The following FZD7 variants were observed in gnomAD, a reference collection of about 807,000 sequenced individuals.
FZD7 encodes frizzled-7.
Under a neutral mutation model 39.0 loss-of-function variants are expected in FZD7, and 21 were observed. The ratio of observed to expected loss-of-function variants is 0.54; its 90% CI spans 0.38 to 0.78. The LOEUF is 0.78. FZD7 is among the 30% of genes least tolerant of loss of function. The pLI is 0.00. For missense variants in FZD7, 695 were observed against 805.0 expected (o/e 0.86, Z 1.65); for synonymous variants, 428 against 364.9 (o/e 1.17, Z -1.97).
At position 202,037,093 on chromosome 2, in the gene FZD7, C is replaced by A. The variant is rs1688759506; in HGVS notation, c.*721C>A. ...ACATTTTGAGATAAGGCCAAGGAGACGTGGAGTAGGTATTTTTGCTACTTT... is the reference window on the plus strand; with the variant it reads ...ACATTTTGAGATAAGGCCAAGGAGAAGTGGAGTAGGTATTTTTGCTACTTT... On this transcript the variant is annotated 3_prime_UTR_variant, in exon 1 of 1. Coordinates refer to ENST00000286201, the MANE Select transcript of FZD7 (RefSeq NM_003507.2). 6.0e-6 allele frequency: 1 copy of A among 167,044 alleles called. No individual in the cohort carries two copies. Among genetic ancestry groups the A allele is most frequent in the Admixed American group, 6.5e-5 (1 of 15,286 alleles). 10.3% of individuals were successfully genotyped at this position (167,044 alleles called of 1,614,324 possible).
Position 202,036,287 on chromosome 2 carries a change from G to C in FZD7, c.1640G>C (p.Trp547Ser). The change falls in exon 1 of 1, where the codon TGG (tryptophan) becomes TCG (serine). Residue 547 changes from tryptophan to serine, a missense_variant. Coordinates refer to ENST00000286201, the MANE Select transcript of FZD7 (RefSeq NM_003507.2). ...TMIVGITTGF[W>S]IWSGKTLQSW... ...ATCGTCGGCATCACCACTGGCTTCTGGATCTGGTCGGGCAAGACCCTGCAG... is the reference window on the plus strand; with the variant it reads ...ATCGTCGGCATCACCACTGGCTTCTCGATCTGGTCGGGCAAGACCCTGCAG... The C allele has an allele frequency of 6.2e-7, 1 of 1,613,354 alleles. No individual in the cohort carries two copies. Among genetic ancestry groups the C allele is most frequent in the Non-Finnish European group, 8.5e-7 (1 of 1,179,994 alleles).
rs1247811855 is a variant in FZD7 at position 202,034,628 on chromosome 2, C to T, written c.-20C>T. ...GTCGCACTCCTCAGGCTGAGAGCAC[C>T]GCTGCACTCGCGGCCGGCGATGCGG... On this transcript the variant is annotated 5_prime_UTR_variant, in exon 1 of 1. Transcript: ENST00000286201. 7.2e-6 allele frequency: 11 copies of T among 1,534,492 alleles called. No homozygotes were observed. Among genetic ancestry groups the T allele is most frequent in the Admixed American group, 2.0e-5 (1 of 49,854 alleles).
Position 202,034,701 on chromosome 2 carries a change from G to C in FZD7, c.54G>C (p.Leu18=). Residue 18 remains leucine (L), a synonymous_variant, in exon 1 of 1, where the codon CTG becomes CTC. Transcript: ENST00000286201. ...TTTCGTCCCTGGGCCTCTGTGCCCTGGTGCTGGCGCTGCTGGGCGCACTGT... is the reference window on the plus strand; with the variant it reads ...TTTCGTCCCTGGGCCTCTGTGCCCTCGTGCTGGCGCTGCTGGGCGCACTGT... The part of the protein sequence containing the change: ...APLSSLGLCA[L]VLALLGALSA... 1 of 1,609,730 alleles carries C rather than the reference G, an allele frequency of 6.2e-7. No homozygotes were observed.
chr2:202,035,906 C>T lies in FZD7; in HGVS notation c.1259C>T (p.Ala420Val). 6.2e-7 allele frequency: 1 copy of T among 1,614,020 alleles called. No individual in the cohort carries two copies. Among genetic ancestry groups the T allele is most frequent in the Non-Finnish European group, 8.5e-7 (1 of 1,179,924 alleles). The change falls in exon 1 of 1, where the codon GCG becomes GTG. Residue 420 changes from alanine to valine, a missense_variant. Transcript: ENST00000286201. ...TACGTTGGCCTCTCCAGTGTGGACGCGCTGCGGGGCTTCGTGCTGGCGCCT... is the reference window on the plus strand; with the variant it reads ...TACGTTGGCCTCTCCAGTGTGGACGTGCTGCGGGGCTTCGTGCTGGCGCCT... ...VCYVGLSSVD[A>V]LRGFVLAPLF... is the part of the protein sequence containing the mutation.
Position 202,035,761 on chromosome 2 carries a change from G to T in FZD7, c.1114G>T (p.Glu372Ter). The T allele has an allele frequency of 6.2e-7, 1 of 1,614,056 alleles. No homozygotes were observed. Among genetic ancestry groups the T allele is most frequent in the Non-Finnish European group, 8.5e-7 (1 of 1,180,032 alleles). Residue 372 changes from glutamate to a stop codon, truncating the protein, a stop_gained, in exon 1 of 1, where the codon GAG (glutamate) becomes TAG (stop). Coordinates refer to ENST00000286201, the MANE Select transcript of FZD7 (RefSeq NM_003507.2). LOFTEE classifies it high-confidence loss of function. ...GGCGGCCGGCATGAAGTGGGGCCAC[G>T]AGGCCATCGAGGCCAACTCGCAGTA... ...FLAAGMKWGHEAIEANSQYFH... is the reference protein window; with the variant it reads ...FLAAGMKWGH
At position 202,035,907 on chromosome 2, in the gene FZD7, G is replaced by T; in HGVS notation, c.1260G>T (p.Ala420=). 2 of 1,614,008 alleles carry T rather than the reference G, an allele frequency of 1.2e-6. No individual in the cohort carries two copies. Among genetic ancestry groups the T allele is most frequent in the East Asian group, 2.2e-5 (1 of 44,872 alleles). ...ACGTTGGCCTCTCCAGTGTGGACGCGCTGCGGGGCTTCGTGCTGGCGCCTC... is the reference window on the plus strand; with the variant it reads ...ACGTTGGCCTCTCCAGTGTGGACGCTCTGCGGGGCTTCGTGCTGGCGCCTC... ...VCYVGLSSVD[A]LRGFVLAPLF... The change falls in exon 1 of 1, where the codon GCG becomes GCT. Residue 420 remains alanine, a synonymous_variant. Coordinates refer to ENST00000286201, the MANE Select transcript of FZD7 (RefSeq NM_003507.2).
Position 202,035,472 on chromosome 2 carries a change from C to T in FZD7, c.825C>T (p.Tyr275=). The T allele has an allele frequency of 6.2e-7, 1 of 1,614,164 alleles. No individual in the cohort carries two copies. The highest frequency in any genetic ancestry group is 8.5e-7 in the Non-Finnish European group (1 of 1,180,022). ...CASTLFTVLT[Y]LVDMRRFSYP... ...CGACGCTCTTTACCGTTCTCACCTA[C>T]CTGGTGGACATGCGGCGCTTCAGCT... The change falls in exon 1 of 1, where the codon TAC becomes TAT. Residue 275 remains tyrosine (Y), a synonymous_variant. Coordinates refer to ENST00000286201, the MANE Select transcript of FZD7 (RefSeq NM_003507.2).
chr2:202,036,134 G>A lies in FZD7; in HGVS notation c.1487G>A (p.Arg496His). 1 of 1,613,728 alleles carries A rather than the reference G, an allele frequency of 6.2e-7. No homozygotes were observed. The highest frequency in any genetic ancestry group is 1.1e-5 in the South Asian group (1 of 91,080). The change falls in exon 1 of 1, where the codon CGC becomes CAC. Residue 496 changes from arginine (R) to histidine (H), a missense_variant. Transcript: ENST00000286201. Reference sequence around the variant, plus strand: ...TGCTACTTCTACGAGCAGGCCTTCCGCGAGCACTGGGAGCGCACCTGGCTC... The same window carrying A: ...TGCTACTTCTACGAGCAGGCCTTCCACGAGCACTGGGAGCGCACCTGGCTC... The part of the protein sequence containing the change: ...LACYFYEQAF[R>H]EHWERTWLLQ...
In FZD7 at chr2:202,035,196, C is replaced by T; in HGVS notation, c.549C>T (p.Pro183=). 1 of 1,600,190 alleles carries T rather than the reference C, an allele frequency of 6.2e-7. No individual in the cohort carries two copies. Among genetic ancestry groups the T allele is most frequent in the Non-Finnish European group, 8.5e-7 (1 of 1,179,292 alleles). Residue 183 remains proline, a synonymous_variant, in exon 1 of 1, where the codon CCC becomes CCT. Transcript: ENST00000286201. ...GCCCCACTGCCTACCCTACCGCGCC[C>T]TACCTGCCGGACCTGCCCTTCACCG... ...GGGPTAYPTA[P]YLPDLPFTAL... is the part of the protein sequence containing the mutation.
Position 202,034,748 on chromosome 2 carries a change from C to T in FZD7, c.101C>T (p.Pro34Leu), listed in dbSNP as rs772362388. The change falls in exon 1 of 1, where the codon CCG becomes CTG. Residue 34 changes from proline to leucine, a missense_variant. Pro to Leu is a moderately conservative substitution (Grantham distance 98). Coordinates refer to ENST00000286201, the MANE Select transcript of FZD7 (RefSeq NM_003507.2). ...GALSAGAGAQ[P>L]YHGEKGISVP... ...CTGTCCGCGGGCGCCGGGGCGCAGC[C>T]GTACCACGGAGAGAAGGGCATCTCC... The T allele has an allele frequency of 5.6e-6, 9 of 1,612,254 alleles. No homozygotes were observed. The South Asian group carries it at 9.9e-5, about 18-fold the overall frequency.
rs1030110762 is a variant in FZD7 at position 202,035,784 on chromosome 2, G to A, written c.1137G>A (p.Gln379=). ...ACGAGGCCATCGAGGCCAACTCGCA[G>A]TACTTCCACCTGGCCGCGTGGGCCG... ...WGHEAIEANS[Q]YFHLAAWAVP... is the part of the protein sequence containing the mutation. The change falls in exon 1 of 1, where the codon CAG becomes CAA. Residue 379 remains glutamine, a synonymous_variant. Transcript: ENST00000286201. The A allele has an allele frequency of 1.2e-6, 2 of 1,614,052 alleles. No individual in the cohort carries two copies. The highest frequency in any genetic ancestry group is 1.7e-6 in the Non-Finnish European group (2 of 1,180,046).
rs1410790493 is a variant in FZD7, at chr2:202,036,323, G to A, written c.1676G>A (p.Arg559His). 1 of 1,612,846 alleles carries A rather than the reference G, an allele frequency of 6.2e-7. No individual in the cohort carries two copies. Among genetic ancestry groups the A allele is most frequent in the East Asian group, 2.2e-5 (1 of 44,880 alleles). The change falls in exon 1 of 1, where the codon CGC becomes CAC. Residue 559 changes from arginine to histidine, a missense_variant. Transcript: ENST00000286201. ...WSGKTLQSWR[R>H]FYHRLSHSSK... ...GGCAAGACCCTGCAGTCGTGGCGCC[G>A]CTTCTACCACAGACTTAGCCACAGC...
Position 202,035,898 on chromosome 2 carries a change from T to G in FZD7, c.1251T>G (p.Ser417Arg). 6.2e-7 allele frequency: 1 copy of G among 1,614,030 alleles called. No individual in the cohort carries two copies. ...GGGTGTGCTACGTTGGCCTCTCCAG[T>G]GTGGACGCGCTGCGGGGCTTCGTGC... ...LSGVCYVGLS[S>R]VDALRGFVLA... Residue 417 changes from serine (S) to arginine (R), a missense_variant, in exon 1 of 1, where the codon AGT (serine) becomes AGG (arginine). By Grantham distance (110) the Ser-to-Arg change is moderately radical. Transcript: ENST00000286201.
rs756389140 is a variant in FZD7, at chr2:202,035,181, C to G, written c.534C>G (p.Ala178=). The change falls in exon 1 of 1, where the codon GCC becomes GCG. Residue 178 remains alanine, a synonymous_variant. Coordinates refer to ENST00000286201, the MANE Select transcript of FZD7 (RefSeq NM_003507.2). ...GSGGPGGGPT[A]YPTAPYLPDL... ...GGGGCCCAGGCGGCGGCCCCACTGC[C>G]TACCCTACCGCGCCCTACCTGCCGG... is the stretch of plus-strand genomic sequence containing the variant. The G allele has an allele frequency of 5.0e-6, 8 of 1,600,706 alleles. No homozygotes were observed. The highest frequency in any genetic ancestry group is 6.8e-6 in the Non-Finnish European group (8 of 1,179,354).
At position 202,035,580 on chromosome 2, in the gene FZD7, C is replaced by A. The variant is rs1300462405; in HGVS notation, c.933C>A (p.Asp311Glu). The change falls in exon 1 of 1, where the codon GAC becomes GAA. Residue 311 changes from aspartate to glutamate, a missense_variant. Asp to Glu is a conservative substitution (Grantham distance 45). Transcript: ENST00000286201. Reference sequence around the variant, plus strand: ...ACGTGGCCGGCTTCCTTCTAGAGGACCGCGCCGTGTGCGTGGAGCGCTTCT... The same window carrying A: ...ACGTGGCCGGCTTCCTTCTAGAGGAACGCGCCGTGTGCGTGGAGCGCTTCT... ...VAHVAGFLLE[D>E]RAVCVERFSD... The A allele has an allele frequency of 1.2e-6, 2 of 1,614,146 alleles. No individual in the cohort carries two copies. The highest frequency in any genetic ancestry group is 3.3e-5 in the Admixed American group (2 of 60,036).
At position 202,035,538 on chromosome 2, in the gene FZD7, C is replaced by T; in HGVS notation, c.891C>T (p.Phe297=). ...RPIIFLSGCY[F]MVAVAHVAGF... Reference sequence around the variant, plus strand: ...TCATCTTCCTGTCGGGCTGCTACTTCATGGTGGCCGTGGCGCACGTGGCCG... The same window carrying T: ...TCATCTTCCTGTCGGGCTGCTACTTTATGGTGGCCGTGGCGCACGTGGCCG... Residue 297 remains phenylalanine, a synonymous_variant, in exon 1 of 1, where the codon TTC becomes TTT. Coordinates refer to ENST00000286201, the MANE Select transcript of FZD7 (RefSeq NM_003507.2). 1.9e-6 allele frequency: 3 copies of T among 1,614,184 alleles called. No homozygotes were observed. The highest frequency in any genetic ancestry group is 2.5e-6 in the Non-Finnish European group (3 of 1,180,026).
At position 202,037,414 on chromosome 2, in the gene FZD7, C is replaced by G. The variant is rs188847694; in HGVS notation, c.*1042C>G. 4 of 167,164 alleles carry G rather than the reference C, an allele frequency of 2.4e-5. No individual in the cohort carries two copies. Among genetic ancestry groups the G allele is most frequent in the African/African-American group, 9.6e-5 (4 of 41,552 alleles). The allele number at this position is 167,164 out of a possible 1,614,324, so 10.4% of individuals were successfully genotyped here. A position where few individuals can be genotyped will look rare whatever the true frequency, so the allele number is the denominator to read the frequency against. On this transcript the variant is annotated 3_prime_UTR_variant, in exon 1 of 1. Transcript: ENST00000286201. ...TGAAGAGCAGTGTGCTGTCACACACCGTTAAGCCAGAGGTTCTGACTTCGC... is the reference window on the plus strand; with the variant it reads ...TGAAGAGCAGTGTGCTGTCACACACGGTTAAGCCAGAGGTTCTGACTTCGC...
At position 202,037,753 on chromosome 2, in the gene FZD7, G is replaced by GT. The variant is rs1184824185; in HGVS notation, c.*1382dup. 4 of 166,980 alleles carry GT rather than the reference G, an allele frequency of 2.4e-5. No individual in the cohort carries two copies. The East Asian group carries it at 7.7e-4, about 32-fold the overall frequency. The allele number at this position is 166,980 out of a possible 1,614,324, so 10.3% of individuals were successfully genotyped here. A position where few individuals can be genotyped will look rare whatever the true frequency, so the allele number is the denominator to read the frequency against. On this transcript the variant is annotated 3_prime_UTR_variant, in exon 1 of 1. Coordinates refer to ENST00000286201, the MANE Select transcript of FZD7 (RefSeq NM_003507.2). ...TCATCCATATGCTGACCCTGTCTCT[G>GT]TGTGGTTGGGTTGGGAGGCGATCAG...
chr2:202,035,984 C>G lies in FZD7; in HGVS notation c.1337C>G (p.Ser446Cys), dbSNP rs777808101. The G allele has an allele frequency of 6.2e-7, 1 of 1,614,182 alleles. No individual in the cohort carries two copies. Among genetic ancestry groups the G allele is most frequent in the Non-Finnish European group, 8.5e-7 (1 of 1,180,034 alleles). Residue 446 changes from serine (S) to cysteine (C), a missense_variant, in exon 1 of 1, where the codon TCC becomes TGC. Physicochemically the swap from Ser to Cys is moderately radical, Grantham distance 112. Coordinates refer to ENST00000286201, the MANE Select transcript of FZD7 (RefSeq NM_003507.2). ...GTSFLLAGFV[S>C]LFRIRTIMKH... is the part of the protein sequence containing the mutation. The stretch of plus-strand genomic sequence containing the variant: ...TCCTTCTTGCTGGCCGGCTTCGTGT[C>G]CCTCTTCCGTATCCGCACCATCATG...
Sources: gnomAD v4.1 joint callset for allele counts on GRCh38, gnomAD v4.1.1 for gene constraint, MANE v1.5 for transcripts, NCBI Gene and HGNC (gene_info 2026-07-23, HGNC 2026-07-21) for gene names.